OR10J1: variants seen among roughly 807,000 people sequenced by gnomAD.
OR10J1 encodes the protein olfactory receptor 10J1.
For missense variants in OR10J1, 474 were observed against 376.6 expected, an observed-to-expected ratio of 1.26 and a Z score of -2.14; for synonymous variants, 202 against 143.8, an observed-to-expected ratio of 1.40 and a Z score of -2.89.
At chr1:159,412,995 AAAAC>A in the OR10J1 span, among the ~76,000 whole-genome samples, 1 of 152,124 alleles carries the variant, frequency 6.6e-6, no homozygotes, top group Non-Finnish European at 1.5e-5. Flanking sequence ...TTACAAGAAA[AAAAC>A]AAACAACCCC....
At chr1:159,436,554 C>A (rs561709341), upstream of OR10J1, among the ~76,000 whole-genome samples, 13 of 152,128 alleles carry the variant, frequency 8.5e-5, no homozygotes, top group South Asian at 1.2e-3. Context: ...CATCTTCACA[C>A]CACTCACAGG....
Position 159,440,870 on chromosome 1 carries a change from A to G in OR10J1, c.*149A>G, listed in dbSNP as rs1259718367. 3.8e-6 allele frequency: 3 copies of G among 790,784 alleles called. No individual in the cohort carries two copies. In the African/African-American group the frequency reaches 5.1e-5, roughly 14 times the overall value. The allele number at this position is 790,784 out of a possible 1,614,324, so 49.0% of individuals were successfully genotyped here. A position where few individuals can be genotyped will look rare whatever the true frequency, so the allele number is the denominator to read the frequency against. On this transcript the variant is annotated 3_prime_UTR_variant, in exon 1 of 1. Coordinates refer to ENST00000423932, the MANE Select transcript of OR10J1 (RefSeq NM_012351.3). ...CAGTTTCATACAACTGGGAGTCTGA[A>G]GCTTTAAATAAAGTTACTGGATGGA...
At chr1:159,408,356 A>C in the OR10J1 span, among the ~76,000 whole-genome samples, 55 of 151,950 alleles carry the variant, frequency 3.6e-4, 1 homozygote, top group Admixed American at 3.5e-3. Flanking sequence ...TCAGTAAACT[A>C]TCGCAAGAAC....
At chr1:159,406,894 G>A in the OR10J1 span, among the ~76,000 whole-genome samples, 5 of 152,116 alleles carry the variant, frequency 3.3e-5, no homozygotes, top group African/African-American at 4.8e-5. Flanking sequence ...TTGGAGTCCT[G>A]GGCATTACTT....
upstream of OR10J1, among the ~76,000 whole-genome samples, chr1:159,434,725 A>G (rs78664943): frequency 2.4e-4 from 37 of 152,282 alleles, no homozygotes; most frequent in African/African-American, 8.2e-4. Context: ...TCCTATCTGC[A>G]TGGTGAGTCG....
chr1:159,405,650 T>C, the OR10J1 span: 1 of 464,792 alleles, frequency 2.2e-6, no homozygotes, highest in Non-Finnish European at 4.2e-6. Flanking sequence ...AGATGGGAGG[T>C]GCAGGTGGCA....
chr1:159,439,992 C>T lies in OR10J1; in HGVS notation c.201C>T (p.Ser67=), dbSNP rs745989994. 1 of 1,614,144 alleles carries T rather than the reference C, an allele frequency of 6.2e-7. No individual in the cohort carries two copies. Among genetic ancestry groups the T allele is most frequent in the African/African-American group, 1.3e-5 (1 of 75,030 alleles). Residue 67 remains serine, a synonymous_variant, in exon 1 of 1, where the codon TCC becomes TCT. Transcript: ENST00000423932. The part of the protein sequence containing the change: ...TPMYFFLSML[S]TSETVYTLVI... ...TGTACTTCTTCCTGAGCATGCTGTC[C>T]ACTTCAGAGACTGTATATACATTGG...
the OR10J1 span, among the ~76,000 whole-genome samples, chr1:159,397,715 G>A: frequency 5.3e-4 from 81 of 152,166 alleles, 1 homozygote; most frequent in South Asian, 8.3e-4. Flanking sequence ...TGTGGTTTCC[G>A]TGCCAGCTCA....
the OR10J1 span, among the ~76,000 whole-genome samples, chr1:159,423,327 C>T: frequency 2.8e-4 from 42 of 152,190 alleles, no homozygotes; most frequent in Non-Finnish European, 4.7e-4. Flanking sequence ...TGTGACAATT[C>T]TCTGTGGGCC....
the OR10J1 span, chr1:159,406,202 G>A: frequency 1.2e-5 from 6 of 521,246 alleles, no homozygotes; most frequent in African/African-American, 5.9e-5. Flanking sequence ...GGGGTGTGGA[G>A]GTGAATGTCC....
chr1:159,423,883 G>A, the OR10J1 span, among the ~76,000 whole-genome samples: 1 of 152,062 alleles, frequency 6.6e-6, no homozygotes, highest in Non-Finnish European at 1.5e-5. Flanking sequence ...ACTTTCAATT[G>A]GCTTATTAGA....
At chr1:159,438,257 C>A (rs950358387), upstream of OR10J1, among the ~76,000 whole-genome samples, 1 of 152,176 alleles carries the variant, frequency 6.6e-6, no homozygotes, top group Non-Finnish European at 1.5e-5. Context: ...TCAAGACAGA[C>A]AAGTTTCAGC....
At chr1:159,410,195 G>C in the OR10J1 span, among the ~76,000 whole-genome samples, 1 of 152,138 alleles carries the variant, frequency 6.6e-6, no homozygotes, top group African/African-American at 2.4e-5. Flanking sequence ...TTTGGTATCA[G>C]GATGATGCTG....
chr1:159,419,117 T>G, the OR10J1 span, among the ~76,000 whole-genome samples: 16 of 152,122 alleles, frequency 1.1e-4, no homozygotes, highest in East Asian at 1.5e-3. Context: ...TTGGCTCAGA[T>G]GAGATTTTAA....
the OR10J1 span, among the ~76,000 whole-genome samples, chr1:159,425,421 G>C: frequency 6.6e-6 from 1 of 152,014 alleles, no homozygotes; most frequent in African/African-American, 2.4e-5. Flanking sequence ...AAAATAACTA[G>C]AAGGCTAAAT....
chr1:159,411,910 G>C, the OR10J1 span, among the ~76,000 whole-genome samples: 1 of 152,060 alleles, frequency 6.6e-6, no homozygotes, highest in Non-Finnish European at 1.5e-5. Context: ...CCTGTTTGCA[G>C]ATGACATGAT....
chr1:159,421,524 AT>A, the OR10J1 span, among the ~76,000 whole-genome samples: 2 of 151,894 alleles, frequency 1.3e-5, no homozygotes, highest in African/African-American at 2.4e-5. Context: ...GCTTTTTCCA[AT>A]TTTTTGAATT....
the OR10J1 span, among the ~76,000 whole-genome samples, chr1:159,431,137 G>T: frequency 6.6e-6 from 1 of 152,128 alleles, no homozygotes; most frequent in South Asian, 2.1e-4. Flanking sequence ...CATAATATTT[G>T]GGGATATTGG....
chr1:159,418,768 A>G, the OR10J1 span, among the ~76,000 whole-genome samples: 13 of 152,290 alleles, frequency 8.5e-5, no homozygotes, highest in East Asian at 2.3e-3. Context: ...GCACCTGGAA[A>G]AGCCACAGAC....
Sources: gnomAD v4.1 joint callset for allele counts (sites outside exome capture counted in the v4.1 genomes callset) on GRCh38, gnomAD v4.1.1 for gene constraint, MANE v1.5 for transcripts, NCBI Gene and HGNC (gene_info 2026-07-23, HGNC 2026-07-21) for gene names.